Variants in FREM2 observed in about 807,000 individuals in gnomAD.
FREM2 encodes FRAS1 related extracellular matrix 2, also known as FRAS1-related extracellular matrix protein 2.
Under a neutral mutation model 219.9 loss-of-function variants are expected in FREM2, and 119 were observed. The ratio of observed to expected loss-of-function variants is 0.54; its 90% CI spans 0.47 to 0.63. FREM2 has a LOEUF of 0.63. Ranked by LOEUF, FREM2 falls within the 30% of genes least tolerant of loss-of-function variation. The pLI, the probability that FREM2 is intolerant of heterozygous loss-of-function variation, is 0.00. For synonymous variants in FREM2, 1,562 were observed against 1,522.8 expected (o/e 1.03, Z -0.60); for missense variants, 4,030 against 3,993.6 (o/e 1.01, Z -0.25).
At chr13:38,775,499 A>G (rs537815957) in intron 4 of FREM2, among the ~76,000 whole-genome samples, 1 of 152,378 alleles carries the variant, frequency 6.6e-6, no homozygotes, top group Non-Finnish European at 1.5e-5. Context: ...GACACTGAGT[A>G]GTGGATAAGC....
At chr13:38,858,597 A>G (rs1877645821) in intron 13 of FREM2, among the ~76,000 whole-genome samples, 1 of 152,126 alleles carries the variant, frequency 6.6e-6, no homozygotes, top group Non-Finnish European at 1.5e-5. Context: ...CTCTAAGTTT[A>G]AGCTCCTTGT....
Position 38,871,946 on chromosome 13 carries a change from A to T in FREM2, c.7984-796A>T, listed in dbSNP as rs137873785. On this transcript the variant is annotated intron_variant, in intron 16 of 23. Coordinates refer to ENST00000280481, the MANE Select transcript of FREM2 (RefSeq NM_207361.6). ...TGAGATATTATAAATGTTATATGTT[A>T]TTAGTAAATATATTTGCTTCCAGAT... 1.9e-3 allele frequency among the ~76,000 whole-genome samples: 290 copies of T among 152,326 alleles called. 1 individual carries two copies. Among genetic ancestry groups the T allele is most frequent in the African/African-American group, 6.8e-3 (282 of 41,586 alleles).
intron 6 of FREM2, among the ~76,000 whole-genome samples, chr13:38,791,239 T>C (rs1874548199): frequency 6.6e-6 from 1 of 152,194 alleles, no homozygotes; most frequent in South Asian, 2.1e-4. Context: ...GTCGATATGC[T>C]TTTTTGGTGT....
At position 38,690,138 on chromosome 13, in the gene FREM2, A is replaced by T. The variant is rs767983230; in HGVS notation, c.2794A>T (p.Asn932Tyr). 1.2e-6 allele frequency: 2 copies of T among 1,614,032 alleles called. No homozygotes were observed. Among genetic ancestry groups the T allele is most frequent in the African/African-American group, 2.7e-5 (2 of 74,920 alleles). Reference protein sequence around the residue: ...HHVVPITLRVNVRPVDDEVPI... With the variant: ...HHVVPITLRVYVRPVDDEVPI... ...TGTGGTGCCCATCACTCTCAGAGTA[A>T]ATGTCCGGCCAGTGGATGATGAAGT... Residue 932 changes from asparagine to tyrosine, a missense_variant, in exon 1 of 24, where the codon AAT becomes TAT. This residue lies in a region of FREM2 where 3,102 missense variants were observed against 2,950.7 expected (regional missense o/e 1.05). Coordinates refer to ENST00000280481, the MANE Select transcript of FREM2 (RefSeq NM_207361.6).
In FREM2 at chr13:38,858,008, C is replaced by T; in HGVS notation, c.7190C>T (p.Ser2397Phe). ...GCTAAGGAGAGTGCTGAACCCATGT[C>T]TGGCTATCCTGTCATCTGTATCACA... ...SKAKESAEPM[S>F]GYPVICITAC... The change falls in exon 13 of 24, where the codon TCT becomes TTT. Residue 2397 changes from serine to phenylalanine, a missense_variant. Around this residue, in one of 2 missense-constraint regions of FREM2, gnomAD observed 928 missense variants for 1,042.9 expected, o/e 0.89. Transcript: ENST00000280481. 1 of 1,613,974 alleles carries T rather than the reference C, an allele frequency of 6.2e-7. No homozygotes were observed. The highest frequency in any genetic ancestry group is 8.5e-7 in the Non-Finnish European group (1 of 1,179,888).
intron 11 of FREM2, 81 bp from the exon 12 acceptor site, chr13:38,856,045 T>TA (rs34182165): frequency 0.036 from 21,557 of 595,534 alleles, 72 homozygotes; most frequent in Non-Finnish European, 0.042. Flanking sequence ...TAGGCCACAG[T>TA]AAAAAAAAAA....
intron 2 of FREM2, among the ~76,000 whole-genome samples, chr13:38,711,244 T>G (rs927012734): frequency 6.6e-6 from 1 of 152,178 alleles, no homozygotes; most frequent in Non-Finnish European, 1.5e-5. Context: ...CGTCTTCGCC[T>G]CCAGCCAGTA....
At chr13:38,880,088 AG>A (rs1256669852) in intron 23 of FREM2, among the ~76,000 whole-genome samples, 195 bp from the exon 24 acceptor site, 11 of 152,222 alleles carry the variant, frequency 7.2e-5, no homozygotes, top group African/African-American at 2.7e-4. Context: ...CTCCCTTAAG[AG>A]TTGCACAGGA....
rs1325480161 is a variant in FREM2, at chr13:38,851,888, T to C, written c.6925+20T>C. On this transcript the variant is annotated intron_variant, in intron 11 of 23. Transcript: ENST00000280481. ...CAGAAGGTATGGGGCTCCCAGGGCC[T>C]GTCTCCTGATGGATCATGCCAACTC... is the stretch of plus-strand genomic sequence containing the variant. 1 of 1,601,402 alleles carries C rather than the reference T, an allele frequency of 6.2e-7. No individual in the cohort carries two copies. The highest frequency in any genetic ancestry group is 1.3e-5 in the African/African-American group (1 of 74,794).
At chr13:38,697,034 A>G (rs1870140323) in intron 1 of FREM2, among the ~76,000 whole-genome samples, 1 of 152,122 alleles carries the variant, frequency 6.6e-6, no homozygotes, top group Non-Finnish European at 1.5e-5. Context: ...TCCTGACCTC[A>G]CATAATCCAC....
intron 2 of FREM2, among the ~76,000 whole-genome samples, chr13:38,750,530 A>G (rs1042446811): frequency 1.3e-5 from 2 of 152,188 alleles, no homozygotes; most frequent in Non-Finnish European, 2.9e-5. Context: ...TCATCCATTG[A>G]TGAATACTTA....
chr13:38,782,948 T>G (rs1338565018), intron 4 of FREM2, 122 bp from the exon 5 acceptor site: 1 of 1,200,418 alleles, frequency 8.3e-7, no homozygotes, highest in Admixed American at 1.7e-5. Context: ...TCCCACTATG[T>G]TATTCTAAAG....
Position 38,851,703 on chromosome 13 carries a change from GGAGAAACCAAATTTA to G in FREM2, c.6762_6776del (p.Glu2255_Ser2259del). On this transcript the variant is annotated inframe_deletion, in exon 11 of 24. Coordinates refer to ENST00000280481, the MANE Select transcript of FREM2 (RefSeq NM_207361.6). ...AATTTTAGAGACTGTTATTAAATTT[GGAGAAACCAAATTTA>G]GTGTCACTGAACCCAAAGAACCTGG... 6.2e-7 allele frequency: 1 copy of G among 1,611,440 alleles called. No homozygotes were observed. The highest frequency in any genetic ancestry group is 8.5e-7 in the Non-Finnish European group (1 of 1,177,740).
At chr13:38,763,463 G>GGTTTTTTTTTTTT (rs1873310687) in intron 2 of FREM2, among the ~76,000 whole-genome samples, 1 of 6,478 alleles carries the variant, frequency 1.5e-4, no homozygotes, top group African/African-American at 2.1e-4. Context: ...TGTTACTTGG[G>GGTTTTTTTTTTTT]CTTTTTTTTT....
chr13:38,876,812 T>C (rs1878357296), intron 20 of FREM2, among the ~76,000 whole-genome samples: 1 of 152,134 alleles, frequency 6.6e-6, no homozygotes, highest in Non-Finnish European at 1.5e-5. Context: ...TTCAAGAATT[T>C]TTACTGTTGG....
intron 2 of FREM2, among the ~76,000 whole-genome samples, chr13:38,760,853 T>C (rs1873200218): frequency 6.6e-6 from 1 of 151,886 alleles, no homozygotes; most frequent in Non-Finnish European, 1.5e-5. Flanking sequence ...AGTAAATATA[T>C]ATAGGATATA....
chr13:38,841,527 T>C (rs906409346), intron 6 of FREM2, among the ~76,000 whole-genome samples: 4 of 152,172 alleles, frequency 2.6e-5, no homozygotes, highest in Admixed American at 2.0e-4. Context: ...TACTTCCTAT[T>C]TGGGAACCAG....
intron 2 of FREM2, among the ~76,000 whole-genome samples, chr13:38,749,016 T>A (rs1433329015): frequency 6.6e-6 from 1 of 152,160 alleles, no homozygotes; most frequent in Non-Finnish European, 1.5e-5. Flanking sequence ...TCTGGATAAC[T>A]TGTGTTCAGT....
intron 6 of FREM2, among the ~76,000 whole-genome samples, chr13:38,829,568 C>CTATGCTATTTGTAGTA (rs953927245): frequency 1.3e-5 from 2 of 150,612 alleles, no homozygotes; most frequent in Non-Finnish European, 2.9e-5. Flanking sequence ...TGGGGGCCTA[C>CTATGCTATTTGTAGTA]TATGCTATTT....
Sources: allele counts gnomAD v4.1 joint callset (sites outside exome capture counted in the v4.1 genomes callset), GRCh38; gene constraint gnomAD v4.1.1; regional missense constraint gnomAD v4.1.1; transcripts MANE v1.5; gene names NCBI Gene and HGNC (gene_info 2026-07-23, HGNC 2026-07-21).